Variants in ECHDC3 observed in about 807,000 individuals in gnomAD.
The protein encoded by ECHDC3 is enoyl-CoA hydratase domain containing 3, also known as enoyl-CoA hydratase domain-containing protein 3, mitochondrial.
Under a neutral mutation model 17.9 loss-of-function variants are expected in ECHDC3, and 20 were observed. The ratio of observed to expected loss-of-function variants is 1.12; its 90% CI spans 0.79 to 1.63. The LOEUF (loss-of-function observed/expected upper bound fraction) is 1.63. Among genes scored for constraint, ECHDC3 ranks in the 40% most tolerant of loss-of-function variants. The pLI is 0.00. For missense variants in ECHDC3, 407 were observed against 357.7 expected (o/e 1.14, Z -1.11); for synonymous variants, 177 against 149.7 (o/e 1.18, Z -1.33).
Position 11,763,731 on chromosome 10 carries a change from TG to T in ECHDC3, c.*188del. 7.1e-7 allele frequency: 1 copy of T among 1,405,148 alleles called. No individual in the cohort carries two copies. The highest frequency in any genetic ancestry group is 2.6e-5 in the East Asian group (1 of 37,850). The allele number at this position is 1,405,148 out of a possible 1,614,324, so 87.0% of individuals were successfully genotyped here. A position where few individuals can be genotyped will look rare whatever the true frequency, so the allele number is the denominator to read the frequency against. On this transcript the variant is annotated 3_prime_UTR_variant, in exon 5 of 5. Coordinates refer to ENST00000379215, the MANE Select transcript of ECHDC3 (RefSeq NM_024693.5). This position sits in a 1 kb window ranked among gnomAD's most constrained non-coding sequence, Gnocchi z 4.9. ...GGGAAAGGACAAAATGGAGAGTGAC[TG>T]AGGTGCTGACCTCAGTGCAAGGCTG... is the stretch of plus-strand genomic sequence containing the variant.
chr10:11,746,254 G>A lies in ECHDC3; in HGVS notation c.171-1095G>A, dbSNP rs1164570174. 2.0e-5 allele frequency among the ~76,000 whole-genome samples: 3 copies of A among 150,112 alleles called. No individual in the cohort carries two copies. In the Admixed American group the frequency reaches 2.0e-4, roughly 10 times the overall value. On this transcript the variant is annotated intron_variant, in intron 1 of 4. Coordinates refer to ENST00000379215, the MANE Select transcript of ECHDC3 (RefSeq NM_024693.5). ...GAGGCAAGAGAATCACTTGAACCCGGGAGGCAGAGGTTGCAGTGAGCTGAG... is the reference window on the plus strand; with the variant it reads ...GAGGCAAGAGAATCACTTGAACCCGAGAGGCAGAGGTTGCAGTGAGCTGAG...
chr10:11,762,065 T>C (rs905051797), intron 4 of ECHDC3, among the ~76,000 whole-genome samples: 1 of 89,566 alleles, frequency 1.1e-5, no homozygotes, highest in African/African-American at 4.3e-5. Flanking sequence ...AGACCCCATC[T>C]TGGAAAAAAA....
At chr10:11,755,049 GGT>G (rs1294727118) in intron 3 of ECHDC3, among the ~76,000 whole-genome samples, 7 of 152,308 alleles carry the variant, frequency 4.6e-5, no homozygotes, top group African/African-American at 1.7e-4. Context: ...GGCTGGGCGT[GGT>G]GGCTCACGCC....
intron 4 of ECHDC3, among the ~76,000 whole-genome samples, chr10:11,756,009 T>C (rs535607927): frequency 6.6e-6 from 1 of 152,366 alleles, no homozygotes; most frequent in East Asian, 1.9e-4. Flanking sequence ...CGTACTGACA[T>C]AATGCCAGTA....
chr10:11,755,047 G>A (rs940338405), intron 3 of ECHDC3, among the ~76,000 whole-genome samples: 32 of 152,228 alleles, frequency 2.1e-4, no homozygotes, highest in East Asian at 1.9e-4. Flanking sequence ...TTGGCTGGGC[G>A]TGGTGGCTCA....
intron 3 of ECHDC3, among the ~76,000 whole-genome samples, chr10:11,751,847 C>T (rs1402112763): frequency 6.6e-6 from 1 of 152,184 alleles, no homozygotes. Context: ...TGCTCTCATA[C>T]CCCGTCAATC....
chr10:11,761,576 G>C (rs558303342), intron 4 of ECHDC3, among the ~76,000 whole-genome samples: 1 of 152,366 alleles, frequency 6.6e-6, no homozygotes, highest in African/African-American at 2.4e-5. Context: ...AAGGTTGGCA[G>C]CCTCAGCTGG....
Position 11,752,965 on chromosome 10 carries a change from T to G in ECHDC3, c.391-2443T>G, listed in dbSNP as rs1269749288. Among the ~76,000 whole-genome samples, 4 of 152,264 alleles carry G rather than the reference T, an allele frequency of 2.6e-5. No individual in the cohort carries two copies. The East Asian group carries it at 7.7e-4, about 29-fold the overall frequency. On this transcript the variant is annotated intron_variant, in intron 3 of 4. Transcript: ENST00000379215. Reference sequence around the variant, plus strand: ...ACTGCCATTTATTTATTTTGTATATTTATATTATTTATAGTTTGTTACTAT... The same window carrying G: ...ACTGCCATTTATTTATTTTGTATATGTATATTATTTATAGTTTGTTACTAT...
At chr10:11,747,155 T>A in intron 1 of ECHDC3, 194 bp from the exon 2 acceptor site, 2 of 546,156 alleles carry the variant, frequency 3.7e-6, no homozygotes, top group Non-Finnish European at 6.0e-6. Context: ...CAGCCTGCAT[T>A]TCAGGTCGCC....
chr10:11,754,204 C>T (rs1209764915), intron 3 of ECHDC3, among the ~76,000 whole-genome samples: 2 of 152,198 alleles, frequency 1.3e-5, no homozygotes, highest in East Asian at 1.9e-4. Flanking sequence ...AGAAAGCTAA[C>T]AAATATCAAA....
intron 4 of ECHDC3, among the ~76,000 whole-genome samples, chr10:11,757,531 GC>G (rs1283738019): frequency 6.6e-6 from 1 of 152,144 alleles, no homozygotes; most frequent in Admixed American, 6.6e-5. Flanking sequence ...TCTCCAGACA[GC>G]CCTACTCAGG....
rs768538360 is a variant in ECHDC3 at position 11,747,469 on chromosome 10, G to C, written c.291G>C (p.Ser97=). The change falls in exon 2 of 5, where the codon TCG becomes TCC. Residue 97 remains serine (S), a splice_region_variant and synonymous_variant. Transcript: ENST00000379215. ...DSNDLKVIII[S]AEGPVFSSGH... ...ACGATCTGAAAGTCATTATCATCTCGGGTATGTATCTGATATCTGTCCTTA... is the reference window on the plus strand; with the variant it reads ...ACGATCTGAAAGTCATTATCATCTCCGGTATGTATCTGATATCTGTCCTTA... The C allele has an allele frequency of 6.8e-6, 11 of 1,613,278 alleles. No homozygotes were observed. In the East Asian group the frequency reaches 1.3e-4, roughly 20 times the overall value.
chr10:11,756,821 T>C (rs1832890761), intron 4 of ECHDC3, among the ~76,000 whole-genome samples: 1 of 151,674 alleles, frequency 6.6e-6, no homozygotes, highest in Admixed American at 6.6e-5. Context: ...CTATCTCAGC[T>C]CACTGCAATG....
intron 3 of ECHDC3, among the ~76,000 whole-genome samples, chr10:11,754,804 TG>T (rs1271885890): frequency 6.6e-6 from 1 of 152,198 alleles, no homozygotes; most frequent in African/African-American, 2.4e-5. Flanking sequence ...GAGCTGAGCT[TG>T]GGGCCACCCC....
intron 1 of ECHDC3, 35 bp from the exon 2 acceptor site, chr10:11,747,312 GGT>G: frequency 6.2e-7 from 1 of 1,607,656 alleles, no homozygotes; most frequent in Non-Finnish European, 8.5e-7. Flanking sequence ...TGTTTTGACT[GGT>G]GTGTGACCCT....
intron 4 of ECHDC3, among the ~76,000 whole-genome samples, chr10:11,756,775 GTCTCGC>G (rs1330234686): frequency 6.7e-6 from 1 of 150,170 alleles, no homozygotes; most frequent in African/African-American, 2.5e-5. Context: ...TTGAAACAGA[GTCTCGC>G]TCTGTCACCC....
intron 3 of ECHDC3, among the ~76,000 whole-genome samples, chr10:11,753,768 C>CTTT (rs113435957): frequency 1.3e-4 from 7 of 55,632 alleles, no homozygotes; most frequent in East Asian, 5.7e-4. Flanking sequence ...GTGCATTCTT[C>CTTT]TTCTTTTTAT....
intron 4 of ECHDC3, among the ~76,000 whole-genome samples, chr10:11,759,026 G>C (rs1205205958): frequency 1.3e-5 from 2 of 152,154 alleles, no homozygotes; most frequent in Non-Finnish European, 2.9e-5. Flanking sequence ...TCATGAGTAT[G>C]GAGCCCTTGT....
At position 11,763,414 on chromosome 10, in the gene ECHDC3, A is replaced by G; in HGVS notation, c.782A>G (p.Gln261Arg). 1.3e-6 allele frequency: 1 copy of G among 794,392 alleles called. No individual in the cohort carries two copies. 49.2% of individuals were successfully genotyped at this position (794,392 alleles called of 1,614,324 possible). A position where few individuals can be genotyped will look rare whatever the true frequency, so the allele number is the denominator to read the frequency against. ...GCCACCTTCTACAAGCAGCTGCCCC[A>G]GGACCTGGGGACGGCTTACTACCTC... Reference protein sequence around the residue: ...GKATFYKQLPQDLGTAYYLTS... With the variant: ...GKATFYKQLPRDLGTAYYLTS... The change falls in exon 5 of 5, where the codon CAG (glutamine) becomes CGG (arginine). Residue 261 changes from glutamine to arginine, a missense_variant. By Grantham distance (43) the Gln-to-Arg change is conservative (BLOSUM62 1). Transcript: ENST00000379215. The surrounding 1 kb of genome is among the most constrained non-coding windows in gnomAD (Gnocchi z 4.9).
Sources: gnomAD v4.1 joint callset for allele counts (sites outside exome capture counted in the v4.1 genomes callset) on GRCh38, gnomAD v4.1.1 for gene constraint, Gnocchi (gnomAD v3.1) non-coding constraint, MANE v1.5 for transcripts, NCBI Gene and HGNC (gene_info 2026-07-23, HGNC 2026-07-21) for gene names.